Variants in UGT2B28 observed in about 807,000 individuals in gnomAD.
The protein encoded by UGT2B28 is UDP glucuronosyltransferase family 2 member B28.
UGT2B28 carries 45 observed loss-of-function variants against 43.6 expected under a neutral mutation model. The observed-to-expected ratio is 1.03, with a 90% confidence interval of 0.81 to 1.32. UGT2B28 has a LOEUF of 1.32. Among genes scored for constraint, UGT2B28 ranks in the 40% most tolerant of loss-of-function variants. The pLI is 0.00. For missense variants in UGT2B28, 649 were observed against 625.5 expected, an observed-to-expected ratio of 1.04 and a Z score of -0.40; for synonymous variants, 204 against 208.1, an observed-to-expected ratio of 0.98 and a Z score of 0.17.
chr4:69,288,799 G>A (rs1307759248), intron 3 of UGT2B28, among the ~76,000 whole-genome samples: 6 of 139,512 alleles, frequency 4.3e-5, no homozygotes, highest in Admixed American at 7.2e-5. Context: ...ATGTATCCAC[G>A]TGTTCTCATC....
chr4:69,294,098 G>T lies in UGT2B28; in HGVS notation c.1311-432G>T, dbSNP rs889561693. Among the ~76,000 whole-genome samples the T allele has an allele frequency of 1.0e-4, 14 of 139,856 alleles. 4 individuals are homozygous for T. Among genetic ancestry groups the T allele is most frequent in the Middle Eastern group, 3.4e-3 (1 of 296 alleles). 91.8% of individuals were successfully genotyped at this position (139,856 alleles called of 152,430 possible). A position where few individuals can be genotyped will look rare whatever the true frequency, so the allele number is the denominator to read the frequency against. ...ATATGCCTGTTTGAGAACTAAGAGT[G>T]TAATTGGATTGTTCATAATACAAAG... On this transcript the variant is annotated intron_variant, in intron 5 of 5. Coordinates refer to ENST00000335568, the MANE Select transcript of UGT2B28 (RefSeq NM_053039.2).
At chr4:69,290,919 T>C in intron 5 of UGT2B28, 108 bp downstream of exon 5, 1 of 1,318,638 alleles carries the variant, frequency 7.6e-7, no homozygotes, top group Non-Finnish European at 1.0e-6. Context: ...TGAAAGAATT[T>C]AAATGATTTA....
chr4:69,285,311 C>G lies in UGT2B28; in HGVS notation c.871-1441C>G, dbSNP rs1723738742. ...ATTATTTTTTAAAACGCTTTTCATA[C>G]TTTTATACAATTTCTTACATTAATT... On this transcript the variant is annotated intron_variant, in intron 2 of 5. Transcript: ENST00000335568. 1.4e-5 allele frequency among the ~76,000 whole-genome samples: 2 copies of G among 140,252 alleles called. 1 individual carries two copies. Among genetic ancestry groups the G allele is most frequent in the African/African-American group, 5.6e-5 (2 of 35,886 alleles). 92.0% of individuals were successfully genotyped at this position (140,252 alleles called of 152,430 possible).
intron 1 of UGT2B28, 78 bp from the exon 2 acceptor site, chr4:69,282,436 A>T (rs1187820840): frequency 1.4e-6 from 2 of 1,425,558 alleles, no homozygotes; most frequent in South Asian, 1.6e-5. Flanking sequence ...TTGCCTACAT[A>T]ATTCTAACCC....
intron 2 of UGT2B28, among the ~76,000 whole-genome samples, chr4:69,285,594 A>G (rs1723750776): frequency 7.1e-6 from 1 of 141,240 alleles, no homozygotes. Context: ...TAAGATTAAA[A>G]ATCATATTTT....
intron 2 of UGT2B28, among the ~76,000 whole-genome samples, chr4:69,283,080 T>TA (rs1723667081): frequency 7.1e-6 from 1 of 140,540 alleles, no homozygotes; most frequent in Non-Finnish European, 1.5e-5. Context: ...GAAAATGTTT[T>TA]AAAAAACTAT....
In UGT2B28 at chr4:69,280,885, G is replaced by T; in HGVS notation, c.385G>T (p.Asp129Tyr). 2 of 1,557,554 alleles carry T rather than the reference G, an allele frequency of 1.3e-6. 1 individual carries two copies. Among genetic ancestry groups the T allele is most frequent in the South Asian group, 2.4e-5 (2 of 83,682 alleles). Residue 129 changes from aspartate (D) to tyrosine (Y), a missense_variant, in exon 1 of 6, where the codon GAT (aspartate) becomes TAT (tyrosine). By Grantham distance (160) the Asp-to-Tyr change is radical. Transcript: ENST00000335568. ...FHDIFRNFCKDVVSNKKVMKK... is the reference protein window; with the variant it reads ...FHDIFRNFCKYVVSNKKVMKK... ...TGACATATTTAGAAACTTCTGTAAA[G>T]ATGTAGTTTCAAATAAGAAAGTTAT...
At chr4:69,292,089 A>G (rs2109696932) in intron 5 of UGT2B28, among the ~76,000 whole-genome samples, 1 of 141,024 alleles carries the variant, frequency 7.1e-6, no homozygotes, top group South Asian at 2.4e-4. Flanking sequence ...AGTTTTAAGA[A>G]CTACTTATAT....
In UGT2B28 at chr4:69,294,908, C is replaced by T; in HGVS notation, c.*99C>T. 1 of 1,335,262 alleles carries T rather than the reference C, an allele frequency of 7.5e-7. No homozygotes were observed. The highest frequency in any genetic ancestry group is 2.1e-5 in the South Asian group (1 of 47,240). 82.7% of individuals were successfully genotyped at this position (1,335,262 alleles called of 1,614,324 possible). ...ATTGTTATGCAAGATTTCTTTCTTC[C>T]TGTGACAAAAAAAAAAACTTTTCAA... is the stretch of plus-strand genomic sequence containing the variant. On this transcript the variant is annotated 3_prime_UTR_variant, in exon 6 of 6. Coordinates refer to ENST00000335568, the MANE Select transcript of UGT2B28 (RefSeq NM_053039.2).
Position 69,280,597 on chromosome 4 carries a change from T to C in UGT2B28, c.97T>C (p.Tyr33His), listed in dbSNP as rs769490675. ...CGKVLVWTGE[Y>H]SHWMNMKTIL... Reference sequence around the variant, plus strand: ...AAAGGTGCTGGTGTGGACCGGTGAATACAGCCATTGGATGAATATGAAGAC... The same window carrying C: ...AAAGGTGCTGGTGTGGACCGGTGAACACAGCCATTGGATGAATATGAAGAC... The change falls in exon 1 of 6, where the codon TAC becomes CAC. Residue 33 changes from tyrosine (Y) to histidine (H), a missense_variant. By Grantham distance (83) the Tyr-to-His change is moderately conservative. Transcript: ENST00000335568. The C allele has an allele frequency of 2.6e-6, 4 of 1,560,726 alleles. 1 individual carries two copies. The highest frequency in any genetic ancestry group is 3.5e-6 in the Non-Finnish European group (4 of 1,155,830).
In UGT2B28 at chr4:69,294,734, A is replaced by G. The variant is rs573039593; in HGVS notation, c.1515A>G (p.Ile505Met). The change falls in exon 6 of 6, where the codon ATA becomes ATG. Residue 505 changes from isoleucine to methionine, a missense_variant. Physicochemically the swap from Ile to Met is conservative, Grantham distance 10. Coordinates refer to ENST00000335568, the MANE Select transcript of UGT2B28 (RefSeq NM_053039.2). ...TGCTGGCCTGTGTGGCAACTGTGAT[A>G]TTTGTCGTCACAAAGTTTTGTCTGT... ...GFLLACVATV[I>M]FVVTKFCLFC... is the part of the protein sequence containing the mutation. The G allele has an allele frequency of 6.4e-7, 1 of 1,559,370 alleles. No homozygotes were observed. Among genetic ancestry groups the G allele is most frequent in the East Asian group, 2.3e-5 (1 of 43,504 alleles).
At chr4:69,284,074 A>T (rs1318465526) in intron 2 of UGT2B28, among the ~76,000 whole-genome samples, 1 of 140,606 alleles carries the variant, frequency 7.1e-6, no homozygotes, top group Non-Finnish European at 1.5e-5. Context: ...TTAGATCATA[A>T]ACATACCCTA....
rs542003361 is a variant in UGT2B28 at position 69,289,517 on chromosome 4, T to G, written c.1003-148T>G. On this transcript the variant is annotated intron_variant, in intron 3 of 5. Coordinates refer to ENST00000335568, the MANE Select transcript of UGT2B28 (RefSeq NM_053039.2). ...TAAATCATTATAAAAGTTAAGAAAA[T>G]AAAATGTGAGTATTGTTTTTACATC... 2.4e-3 allele frequency: 1,722 copies of G among 707,998 alleles called. 91 individuals are homozygous for G. The highest frequency in any genetic ancestry group is 3.3e-3 in the Non-Finnish European group (1,618 of 497,758). The allele number at this position is 707,998 out of a possible 1,614,324, so 43.9% of individuals were successfully genotyped here. A position where few individuals can be genotyped will look rare whatever the true frequency, so the allele number is the denominator to read the frequency against.
At position 69,285,371 on chromosome 4, in the gene UGT2B28, C is replaced by A. The variant is rs1322268204; in HGVS notation, c.871-1381C>A. Reference sequence around the variant, plus strand: ...TTTTATAATATTATCACTAAAGGAGCAACAACCCGTCAATATCAGTGATGA... The same window carrying A: ...TTTTATAATATTATCACTAAAGGAGAAACAACCCGTCAATATCAGTGATGA... On this transcript the variant is annotated intron_variant, in intron 2 of 5. Transcript: ENST00000335568. 2.1e-5 allele frequency among the ~76,000 whole-genome samples: 3 copies of A among 139,768 alleles called. 1 individual carries two copies. The highest frequency in any genetic ancestry group is 4.6e-5 in the Non-Finnish European group (3 of 65,670). The allele number at this position is 139,768 out of a possible 152,430, so 91.7% of individuals were successfully genotyped here.
At chr4:69,291,864 A>G (rs1424344456) in intron 5 of UGT2B28, among the ~76,000 whole-genome samples, 1 of 139,748 alleles carries the variant, frequency 7.2e-6, no homozygotes, top group Non-Finnish European at 1.5e-5. Context: ...ATTCCTCCAC[A>G]CTGTTGTCAA....
chr4:69,287,135 T>C (rs1723802825), intron 3 of UGT2B28, among the ~76,000 whole-genome samples: 2 of 139,694 alleles, frequency 1.4e-5, no homozygotes, highest in South Asian at 4.9e-4. Flanking sequence ...AACTCAGTAC[T>C]CCATATGTAT....
rs1434483912 is a variant in UGT2B28, at chr4:69,293,863, G to T, written c.1311-667G>T. 1.0e-4 allele frequency among the ~76,000 whole-genome samples: 14 copies of T among 140,436 alleles called. 3 individuals are homozygous for T. Among genetic ancestry groups the T allele is most frequent in the African/African-American group, 3.6e-4 (13 of 35,902 alleles). The allele number at this position is 140,436 out of a possible 152,430, so 92.1% of individuals were successfully genotyped here. A position where few individuals can be genotyped will look rare whatever the true frequency, so the allele number is the denominator to read the frequency against. ...CTTAATCAGAAGAGTGCCATAATCT[G>T]ACTTTAATTTCAAAAAATCATTCTG... is the stretch of plus-strand genomic sequence containing the variant. On this transcript the variant is annotated intron_variant, in intron 5 of 5. Coordinates refer to ENST00000335568, the MANE Select transcript of UGT2B28 (RefSeq NM_053039.2).
chr4:69,292,817 A>T (rs2109697979), intron 5 of UGT2B28, among the ~76,000 whole-genome samples: 1 of 140,470 alleles, frequency 7.1e-6, no homozygotes, highest in East Asian at 2.0e-4. Context: ...AGTGGAAATA[A>T]CGGAGGTTAA....
intron 5 of UGT2B28, 86 bp downstream of exon 5, chr4:69,290,897 A>G: frequency 7.2e-7 from 1 of 1,386,768 alleles, no homozygotes; most frequent in Non-Finnish European, 9.6e-7. Flanking sequence ...CCTTTTTATA[A>G]GAGAGTAATC....
Sources: gnomAD v4.1 joint callset for allele counts (sites outside exome capture counted in the v4.1 genomes callset) on GRCh38, gnomAD v4.1.1 for gene constraint, MANE v1.5 for transcripts, NCBI Gene and HGNC (gene_info 2026-07-23, HGNC 2026-07-21) for gene names.